The following RSL1D1 variants were observed in gnomAD, a reference collection of about 807,000 sequenced individuals.
RSL1D1 encodes the protein ribosomal L1 domain-containing protein 1.
Under a neutral mutation model 44.6 loss-of-function variants are expected in RSL1D1, and 34 were observed. The ratio of observed to expected loss-of-function variants is 0.76; its 90% CI spans 0.58 to 1.02. RSL1D1 has a LOEUF of 1.02. Ranked by LOEUF, RSL1D1 falls within the 50% of genes least tolerant of loss-of-function variation. RSL1D1 has a pLI of 0.00. For missense variants in RSL1D1, 767 were observed against 568.1 expected (o/e 1.35, Z -3.56); for synonymous variants, 271 against 207.4 (o/e 1.31, Z -2.63).
At chr16:11,851,296 G>T (rs1287167181) in intron 1 of RSL1D1, 112 bp downstream of exon 1, 2 of 1,016,632 alleles carry the variant, frequency 2.0e-6, no homozygotes, top group South Asian at 2.6e-5. Context: ...GCCAGCGACC[G>T]TCCCACAGCC....
intron 8 of RSL1D1, among the ~76,000 whole-genome samples, chr16:11,838,318 C>T (rs1027624311): frequency 3.3e-5 from 5 of 151,960 alleles, no homozygotes; most frequent in African/African-American, 7.3e-5. Context: ...TGTGCCACCA[C>T]GCCCGGCTCA....
intron 7 of RSL1D1, 141 bp from the exon 8 acceptor site, chr16:11,840,126 C>T: frequency 7.5e-7 from 1 of 1,340,350 alleles, no homozygotes; most frequent in Non-Finnish European, 1.0e-6. Flanking sequence ...ACTCCCTAAC[C>T]AGCACTGGAA....
chr16:11,851,522 A>G lies in RSL1D1; in HGVS notation c.-10T>C. On this transcript the variant is annotated 5_prime_UTR_variant, in exon 1 of 9. Coordinates refer to ENST00000571133, the MANE Select transcript of RSL1D1 (RefSeq NM_015659.3). Reference sequence around the variant, plus strand: ...AGGCCGAATCCTCCATCTTGTTTCCACCTCGTGAAGAGGCGCGTGTGCAAC... The same window carrying G: ...AGGCCGAATCCTCCATCTTGTTTCCGCCTCGTGAAGAGGCGCGTGTGCAAC... 4 of 1,612,382 alleles carry G rather than the reference A, an allele frequency of 2.5e-6. No individual in the cohort carries two copies. Among genetic ancestry groups the G allele is most frequent in the Non-Finnish European group, 3.4e-6 (4 of 1,179,652 alleles).
chr16:11,851,176 G>C (rs558887639), intron 1 of RSL1D1: 3 of 586,026 alleles, frequency 5.1e-6, no homozygotes, highest in South Asian at 3.8e-5. Context: ...ATCTCATCTA[G>C]CTCCACAGCA....
At position 11,839,788 on chromosome 16, in the gene RSL1D1, TC is replaced by T. The variant is rs2053751125; in HGVS notation, c.1052del (p.Gly351GlufsTer21). 1 of 1,614,062 alleles carries T rather than the reference TC, an allele frequency of 6.2e-7. No homozygotes were observed. The highest frequency in any genetic ancestry group is 8.5e-7 in the Non-Finnish European group (1 of 1,180,038). ...CATTTGTTGCTTTAACTTGGGCTTT[TC>T]CTCTGCCACGTTTTTTCTTCCCATG... ...PEHGKKKRGRGKAQVKATNES... is the reference protein window; with the variant it reads ...PEHGKKKRGRXKAQVKATNES... On this transcript the variant is annotated frameshift_variant, in exon 8 of 9. Transcript: ENST00000571133. LOFTEE classifies it high-confidence loss of function.
At chr16:11,850,783 A>G (rs2053831738) in intron 1 of RSL1D1, among the ~76,000 whole-genome samples, 2 of 152,194 alleles carry the variant, frequency 1.3e-5, no homozygotes, top group Admixed American at 1.3e-4. Flanking sequence ...ATTTACTGAG[A>G]ACTCCTGGCA....
intron 2 of RSL1D1, 109 bp from the exon 3 acceptor site, chr16:11,847,915 T>C: frequency 8.6e-7 from 1 of 1,157,828 alleles, no homozygotes; most frequent in Non-Finnish European, 1.2e-6. Flanking sequence ...TAACTTTTAG[T>C]CATGCTAGTT....
rs2053718398 is a variant in RSL1D1 at position 11,836,355 on chromosome 16, A to C, written c.*1432T>G. On this transcript the variant is annotated 3_prime_UTR_variant, in exon 9 of 9. Transcript: ENST00000571133. ...CAGGGTTACAGATGTAAGCCACTGC[A>C]TCTAGCACCCACATTATCTTTGAAA... 1 of 152,188 alleles carries C rather than the reference A, an allele frequency of 6.6e-6. No homozygotes were observed. The highest frequency in any genetic ancestry group is 1.5e-5 in the Non-Finnish European group (1 of 68,044). The allele number at this position is 152,188 out of a possible 1,614,324, so 9.4% of individuals were successfully genotyped here.
intron 7 of RSL1D1, among the ~76,000 whole-genome samples, chr16:11,840,484 T>C (rs1447855258): frequency 6.6e-6 from 1 of 152,060 alleles, no homozygotes; most frequent in South Asian, 2.1e-4. Flanking sequence ...AGAGAATCAT[T>C]TGAACCTGGA....
At chr16:11,843,114 T>C (rs953997226) in intron 5 of RSL1D1, among the ~76,000 whole-genome samples, 1 of 150,608 alleles carries the variant, frequency 6.6e-6, no homozygotes, top group East Asian at 1.9e-4. Flanking sequence ...TTTTTTTTTT[T>C]AGTAGAGACG....
rs374379705 is a variant in RSL1D1, at chr16:11,841,836, G to A, written c.730-16C>T. On this transcript the variant is annotated splice_polypyrimidine_tract_variant and intron_variant, in intron 6 of 8. Coordinates refer to ENST00000571133, the MANE Select transcript of RSL1D1 (RefSeq NM_015659.3). ...TCTCCCACTTCTGAAACAAAGAAAA[G>A]AGTAACATCGTCTACATATACTTTG... 1.2e-6 allele frequency: 2 copies of A among 1,609,036 alleles called. No individual in the cohort carries two copies. The highest frequency in any genetic ancestry group is 1.7e-6 in the Non-Finnish European group (2 of 1,176,520).
intron 5 of RSL1D1, among the ~76,000 whole-genome samples, chr16:11,846,293 G>A (rs2053797863): frequency 6.6e-6 from 1 of 151,238 alleles, no homozygotes; most frequent in Non-Finnish European, 1.5e-5. Context: ...TACTCGGGAG[G>A]CTGAGGCAGG....
chr16:11,839,093 C>T (rs546592493), intron 8 of RSL1D1, among the ~76,000 whole-genome samples: 7 of 151,388 alleles, frequency 4.6e-5, no homozygotes, highest in Middle Eastern at 3.4e-3. Context: ...TGGCTGAGTG[C>T]GGTGGTTCAT....
intron 5 of RSL1D1, among the ~76,000 whole-genome samples, chr16:11,843,638 G>A (rs2053778514): frequency 6.6e-6 from 1 of 151,876 alleles, no homozygotes; most frequent in Non-Finnish European, 1.5e-5. Flanking sequence ...GGAGGCCAAG[G>A]TGGGCAGATC....
chr16:11,846,854 T>A lies in RSL1D1; in HGVS notation c.385-11A>T. On this transcript the variant is annotated splice_polypyrimidine_tract_variant and intron_variant, in intron 3 of 8. Coordinates refer to ENST00000571133, the MANE Select transcript of RSL1D1 (RefSeq NM_015659.3). ...TTGGAGGGAGATAATCTAGGAAGTA[T>A]AGAGAAGAATAAAAACAAGAAGTTA... 6.3e-7 allele frequency: 1 copy of A among 1,582,204 alleles called. No homozygotes were observed. Among genetic ancestry groups the A allele is most frequent in the Non-Finnish European group, 8.6e-7 (1 of 1,158,254 alleles).
intron 3 of RSL1D1, 29 bp from the exon 4 acceptor site, chr16:11,846,872 A>G: frequency 6.4e-7 from 1 of 1,552,372 alleles, no homozygotes; most frequent in Non-Finnish European, 8.8e-7. Flanking sequence ...AATAAAAACA[A>G]GAAGTTAGGA....
In RSL1D1 at chr16:11,846,163, C is replaced by A. The variant is rs986894836; in HGVS notation, c.635+338G>T. ...ATCCCAGCACTTTGGGAGGCCAAGG[C>A]GGGCGGATCATGAGGTCAGGAGATC... is the stretch of plus-strand genomic sequence containing the variant. On this transcript the variant is annotated intron_variant, in intron 5 of 8. Transcript: ENST00000571133. 2.2e-4 allele frequency among the ~76,000 whole-genome samples: 33 copies of A among 151,534 alleles called. 1 individual carries two copies. Among genetic ancestry groups the A allele is most frequent in the Admixed American group, 1.3e-4 (2 of 15,242 alleles).
intron 7 of RSL1D1, 106 bp from the exon 8 acceptor site, chr16:11,840,091 G>T: frequency 1.4e-6 from 2 of 1,479,572 alleles, no homozygotes; most frequent in Non-Finnish European, 1.8e-6. Context: ...GCCCCTAAAT[G>T]GACCTCGATC....
At chr16:11,839,140 C>A (rs571449479) in intron 8 of RSL1D1, among the ~76,000 whole-genome samples, 2 of 150,128 alleles carry the variant, frequency 1.3e-5, no homozygotes, top group East Asian at 2.0e-4. Context: ...ACAAGGCGGG[C>A]GGATCACCTG....
Sources: gnomAD v4.1 joint callset for allele counts (sites outside exome capture counted in the v4.1 genomes callset) on GRCh38, gnomAD v4.1.1 for gene constraint, MANE v1.5 for transcripts, NCBI Gene and HGNC (gene_info 2026-07-23, HGNC 2026-07-21) for gene names.